Variants in ANK2 observed in about 807,000 individuals in gnomAD.
ANK2 encodes ankyrin-2.
ANK2 carries 83 observed loss-of-function variants against 360.5 expected under a neutral mutation model. The ratio of observed to expected loss-of-function variants is 0.23; its 90% CI spans 0.19 to 0.28. The LOEUF (loss-of-function observed/expected upper bound fraction) is 0.28, where lower values mean the gene tolerates loss of function less well. Among genes scored for constraint, ANK2 ranks in the 10% least tolerant of loss-of-function variants. The pLI is 1.00. For missense variants in ANK2, 4,201 were observed against 4,795.7 expected, an observed-to-expected ratio of 0.88 and a Z score of 3.66; for synonymous variants, 1,740 against 1,759.5, an observed-to-expected ratio of 0.99 and a Z score of 0.28.
At chr4:113,369,828 C>G (rs2154067576) in intron 43 of ANK2, 23 bp downstream of exon 43, 2 of 1,613,844 alleles carry the variant, frequency 1.2e-6, no homozygotes, top group Non-Finnish European at 1.7e-6. Flanking sequence ...TCTCCACTTT[C>G]TCGCCCACCT....
intron 1 of ANK2, among the ~76,000 whole-genome samples, chr4:113,054,079 T>C (rs915290577): frequency 6.6e-6 from 1 of 152,180 alleles, no homozygotes; most frequent in African/African-American, 2.4e-5. Flanking sequence ...CAATCACAGG[T>C]GACAGCCATC....
chr4:113,028,014 G>A (rs1045382520), intron 2 of ANK2, among the ~76,000 whole-genome samples: 6 of 151,908 alleles, frequency 3.9e-5, no homozygotes, highest in Non-Finnish European at 8.8e-5. Context: ...TTCTACTCTG[G>A]TAAAGCTATT....
chr4:113,327,387 A>C (rs7676554), intron 26 of ANK2, among the ~76,000 whole-genome samples: 9,675 of 152,250 alleles, frequency 0.064, 366 homozygotes, highest in South Asian at 0.11. Context: ...AGTCGTTCCC[A>C]ACTGCTTTCC....
intron 22 of ANK2, among the ~76,000 whole-genome samples, chr4:113,294,330 A>C (rs183139951): frequency 1.6e-3 from 247 of 152,318 alleles, no homozygotes; most frequent in Non-Finnish European, 2.0e-3. Flanking sequence ...TTCACTCACT[A>C]ACTTTCTACT....
At chr4:113,144,047 C>G (rs1428531714) in intron 1 of ANK2, among the ~76,000 whole-genome samples, 1 of 152,096 alleles carries the variant, frequency 6.6e-6, no homozygotes, top group South Asian at 2.1e-4. Flanking sequence ...ATTTCATGTT[C>G]CTTTTAACAT....
chr4:113,311,368 C>A lies in ANK2; in HGVS notation c.2662C>A (p.Arg888=), dbSNP rs867072234. The A allele has an allele frequency of 6.2e-7, 1 of 1,613,958 alleles. No homozygotes were observed. The highest frequency in any genetic ancestry group is 1.7e-5 in the Admixed American group (1 of 60,012). ...SQFLDGMNYL[R]YSLEGGRSDS... ...GTTCCTGGATGGTATGAATTACCTG[C>A]GATACAGCTTGGAGGGAGGACGATC... The change falls in exon 24 of 46, where the codon CGA becomes AGA. Residue 888 remains arginine (R), a synonymous_variant. Transcript: ENST00000357077.
chr4:113,234,588 G>C (rs1419432853), intron 5 of ANK2, among the ~76,000 whole-genome samples: 1 of 152,020 alleles, frequency 6.6e-6, no homozygotes, highest in Admixed American at 6.6e-5. Flanking sequence ...ATTGCCATTT[G>C]ATATCCTGTG....
intron 29 of ANK2, among the ~76,000 whole-genome samples, chr4:113,334,747 GATTA>G (rs1210398092): frequency 1.5e-4 from 10 of 66,174 alleles, no homozygotes; most frequent in Middle Eastern, 0.01. Flanking sequence ...AAAGTTAATA[GATTA>G]ATTAATCTAT....
intron 1 of ANK2, among the ~76,000 whole-genome samples, chr4:113,173,265 A>T (rs1291059722): frequency 6.6e-6 from 1 of 152,208 alleles, no homozygotes; most frequent in Non-Finnish European, 1.5e-5. Flanking sequence ...CCCAGAGAAG[A>T]TACTTCCATT....
chr4:113,353,227 C>T lies in ANK2; in HGVS notation c.4609C>T (p.Leu1537=). 4 of 1,613,964 alleles carry T rather than the reference C, an allele frequency of 2.5e-6. No individual in the cohort carries two copies. Among genetic ancestry groups the T allele is most frequent in the Non-Finnish European group, 3.4e-6 (4 of 1,179,950 alleles). Residue 1537 remains leucine, a synonymous_variant, in exon 38 of 46, where the codon CTG becomes TTG. Transcript: ENST00000357077. ...DKAGSIKVKE[L]VKAAEEEPGE... The stretch of plus-strand genomic sequence containing the variant: ...GGCAGGTTCTATTAAAGTGAAGGAG[C>T]TGGTGAAGGCTGCTGAGGAAGAGCC...
chr4:113,382,923 G>A lies in ANK2; in HGVS notation c.*1452G>A, dbSNP rs2154093368. On this transcript the variant is annotated 3_prime_UTR_variant, in exon 46 of 46. Transcript: ENST00000357077. ...TGCATTTGTGCACTTCTGTTTGTTT[G>A]TCTCAAAGAAGGGACTGTAACAATC... The A allele has an allele frequency of 6.6e-6, 1 of 152,614 alleles. No individual in the cohort carries two copies. The highest frequency in any genetic ancestry group is 2.4e-5 in the African/African-American group (1 of 41,544). 9.5% of individuals were successfully genotyped at this position (152,614 alleles called of 1,614,324 possible).
At chr4:113,204,857 G>T (rs1310141456) in intron 4 of ANK2, among the ~76,000 whole-genome samples, 1 of 152,174 alleles carries the variant, frequency 6.6e-6, no homozygotes, top group Non-Finnish European at 1.5e-5. Context: ...CGATTCAGGT[G>T]TACTGGGAGG....
At chr4:113,223,668 T>C (rs1430122774) in intron 4 of ANK2, among the ~76,000 whole-genome samples, 2 of 152,146 alleles carry the variant, frequency 1.3e-5, no homozygotes, top group Non-Finnish European at 2.9e-5. Flanking sequence ...AGAGATGTGG[T>C]TGGCAGGGTA....
At chr4:112,754,247 C>T in the ANK2 span, among the ~76,000 whole-genome samples, 1 of 150,560 alleles carries the variant, frequency 6.6e-6, no homozygotes, top group Non-Finnish European at 1.5e-5. Context: ...ATTACTGTGG[C>T]ATGTCCTCTG....
At chr4:112,737,789 A>G in the ANK2 span, among the ~76,000 whole-genome samples, 2 of 152,134 alleles carry the variant, frequency 1.3e-5, no homozygotes, top group South Asian at 2.1e-4. Context: ...TGGACTATGT[A>G]TGTTAGGATT....
the ANK2 span, among the ~76,000 whole-genome samples, chr4:112,723,645 C>T: frequency 1.7e-4 from 26 of 151,976 alleles, no homozygotes; most frequent in African/African-American, 5.6e-4. Context: ...ATTACAGGCA[C>T]GAGCCACCGC....
At chr4:112,950,548 G>A (rs1265065444) in intron 2 of ANK2, among the ~76,000 whole-genome samples, 1 of 151,652 alleles carries the variant, frequency 6.6e-6, no homozygotes, top group Admixed American at 6.6e-5. Flanking sequence ...GGAGGCTGAG[G>A]CAGGAGAATC....
At chr4:112,896,202 GTTTGTAC>G (rs2081678047) in intron 1 of ANK2, among the ~76,000 whole-genome samples, 1 of 152,194 alleles carries the variant, frequency 6.6e-6, no homozygotes, top group Admixed American at 6.5e-5. Flanking sequence ...GAGCTTAGCT[GTTTGTAC>G]TTTGTTTTCC....
chr4:113,126,430 G>A (rs1184717433), intron 1 of ANK2, among the ~76,000 whole-genome samples: 1 of 152,136 alleles, frequency 6.6e-6, no homozygotes, highest in Admixed American at 6.5e-5. Flanking sequence ...GGGCCAGAAT[G>A]CTTAATTAAA....
Sources: gnomAD v4.1 joint callset for allele counts (sites outside exome capture counted in the v4.1 genomes callset) on GRCh38, gnomAD v4.1.1 for gene constraint, MANE v1.5 for transcripts, NCBI Gene and HGNC (gene_info 2026-07-23, HGNC 2026-07-21) for gene names.